TAFA1: variants seen among roughly 807,000 people sequenced by gnomAD.
TAFA1 encodes chemokine-like protein TAFA-1.
A neutral mutation model predicts 18.5 loss-of-function variants in TAFA1; 4 were observed. The ratio of observed to expected loss-of-function variants is 0.22; its 90% confidence interval spans 0.11 to 0.49. The LOEUF (loss-of-function observed/expected upper bound fraction) is 0.49, where lower values mean the gene tolerates loss of function less well. Ranked by LOEUF, TAFA1 falls within the 20% of genes least tolerant of loss-of-function variation. TAFA1 has a pLI of 0.98. For synonymous variants in TAFA1, 56 were observed against 55.2 expected (o/e 1.01, Z -0.06); for missense variants, 147 against 169.0 (o/e 0.87, Z 0.72).
At chr3:68,475,574 G>C (rs1250563683) in intron 3 of TAFA1, among the ~76,000 whole-genome samples, 6 of 152,136 alleles carry the variant, frequency 3.9e-5, no homozygotes, top group African/African-American at 1.4e-4. Flanking sequence ...GGACATTTGG[G>C]TTGGTTCCAA....
In TAFA1 at chr3:68,436,871, A is replaced by G. The variant is rs114083096; in HGVS notation, c.259+19451A>G. On this transcript the variant is annotated intron_variant, in intron 3 of 4. Coordinates refer to ENST00000478136, the MANE Select transcript of TAFA1 (RefSeq NM_213609.4). ...GACACCTTGGCTCTTGTTAACAGATACAGCCAGCTCCACTTCTGTTGTCCA... is the reference window on the plus strand; with the variant it reads ...GACACCTTGGCTCTTGTTAACAGATGCAGCCAGCTCCACTTCTGTTGTCCA... Among the ~76,000 whole-genome samples the G allele has an allele frequency of 7.6e-3, 1,157 of 152,306 alleles. 13 individuals are homozygous for G. The highest frequency in any genetic ancestry group is 0.026 in the African/African-American group (1,080 of 41,570).
At chr3:68,226,587 AG>A (rs1270286140) in intron 2 of TAFA1, among the ~76,000 whole-genome samples, 1 of 151,996 alleles carries the variant, frequency 6.6e-6, no homozygotes, top group Non-Finnish European at 1.5e-5. Context: ...GAATGGGGAG[AG>A]GCAGCCTCAT....
intron 3 of TAFA1, among the ~76,000 whole-genome samples, chr3:68,532,815 T>A (rs961870325): frequency 2.6e-5 from 4 of 151,686 alleles, no homozygotes; most frequent in South Asian, 2.1e-4. Flanking sequence ...AATTTTTTTT[T>A]AAATTGCAGA....
At chr3:68,439,557 C>T (rs543698601) in intron 3 of TAFA1, among the ~76,000 whole-genome samples, 44 of 151,142 alleles carry the variant, frequency 2.9e-4, no homozygotes, top group African/African-American at 7.8e-4. Flanking sequence ...ACTTGGAATC[C>T]GATGTTTGAG....
intron 3 of TAFA1, among the ~76,000 whole-genome samples, chr3:68,479,760 A>T (rs2106652233): frequency 6.6e-6 from 1 of 152,290 alleles, no homozygotes; most frequent in Admixed American, 6.5e-5. Context: ...AATCATAGGG[A>T]CTAAGAAGAG....
At chr3:68,309,799 C>T (rs1270481948) in intron 2 of TAFA1, among the ~76,000 whole-genome samples, 1 of 152,162 alleles carries the variant, frequency 6.6e-6, no homozygotes, top group Non-Finnish European at 1.5e-5. Flanking sequence ...ATCATGTCAC[C>T]AGAACCCAGG....
chr3:68,168,717 T>G (rs1249203976), intron 2 of TAFA1, among the ~76,000 whole-genome samples: 1 of 152,244 alleles, frequency 6.6e-6, no homozygotes, highest in Non-Finnish European at 1.5e-5. Context: ...GGGGTCTAAA[T>G]TTGCTTTTGA....
intron 2 of TAFA1, among the ~76,000 whole-genome samples, chr3:68,364,680 T>C (rs2069532675): frequency 6.6e-6 from 1 of 152,182 alleles, no homozygotes; most frequent in Non-Finnish European, 1.5e-5. Context: ...AATTCTGTTT[T>C]TTCATTGTAA....
chr3:68,138,732 A>G (rs1454082124), intron 2 of TAFA1, among the ~76,000 whole-genome samples: 1 of 152,222 alleles, frequency 6.6e-6, no homozygotes, highest in Non-Finnish European at 1.5e-5. Context: ...AATAACTAGT[A>G]TAAAGCACTT....
rs565620867 is a variant in TAFA1 at position 68,378,464 on chromosome 3, T to A, written c.119-38816T>A. ...CACATTGTATCTAGGAAGTAACTAA[T>A]TTGCTTTTGATTTTTTAGGCTCATA... On this transcript the variant is annotated intron_variant, in intron 2 of 4. Coordinates refer to ENST00000478136, the MANE Select transcript of TAFA1 (RefSeq NM_213609.4). 7.9e-5 allele frequency among the ~76,000 whole-genome samples: 12 copies of A among 152,272 alleles called. 1 individual carries two copies. The South Asian group carries it at 2.3e-3, about 29-fold the overall frequency.
chr3:68,179,503 T>C (rs1167993254), intron 2 of TAFA1, among the ~76,000 whole-genome samples: 1 of 152,222 alleles, frequency 6.6e-6, no homozygotes, highest in Non-Finnish European at 1.5e-5. Flanking sequence ...GAAAATGAAG[T>C]TGTAAAAATT....
chr3:68,360,201 C>T (rs2069443867), intron 2 of TAFA1, among the ~76,000 whole-genome samples: 1 of 151,978 alleles, frequency 6.6e-6, no homozygotes, highest in African/African-American at 2.4e-5. Context: ...ATTTACTCCA[C>T]AGATCCTCAT....
At chr3:68,064,151 A>T (rs1459134096) in intron 2 of TAFA1, among the ~76,000 whole-genome samples, 2 of 152,190 alleles carry the variant, frequency 1.3e-5, no homozygotes, top group African/African-American at 4.8e-5. Context: ...TAGCAAACCC[A>T]GGTGGAGAGG....
chr3:68,294,858 CAG>C (rs1441792133), intron 2 of TAFA1, among the ~76,000 whole-genome samples: 5 of 152,146 alleles, frequency 3.3e-5, no homozygotes, highest in African/African-American at 1.2e-4. Flanking sequence ...GCCTGGGCAA[CAG>C]AGAGAGATCG....
intron 2 of TAFA1, among the ~76,000 whole-genome samples, chr3:68,244,280 T>C (rs932664500): frequency 6.6e-6 from 1 of 152,224 alleles, no homozygotes; most frequent in Non-Finnish European, 1.5e-5. Context: ...GTCCAACTTA[T>C]CAATTTTTCC....
intron 2 of TAFA1, among the ~76,000 whole-genome samples, chr3:68,303,692 G>A (rs559900193): frequency 3.9e-5 from 6 of 152,074 alleles, no homozygotes; most frequent in East Asian, 1.9e-4. Context: ...CTCGTGATCC[G>A]CCCGCCTTTG....
rs368626329 is a variant in TAFA1, at chr3:68,332,105, C to T, written c.119-85175C>T. Among the ~76,000 whole-genome samples, 605 of 151,542 alleles carry T rather than the reference C, an allele frequency of 4.0e-3. 4 individuals carry two copies. The highest frequency in any genetic ancestry group is 0.013 in the African/African-American group (555 of 41,354). On this transcript the variant is annotated intron_variant, in intron 2 of 4. Transcript: ENST00000478136. Reference sequence around the variant, plus strand: ...GTCTCGATCTCCTGACCTCGTGATCCGCCCGCCTCGGCCTCCCAAAGTGCT... The same window carrying T: ...GTCTCGATCTCCTGACCTCGTGATCTGCCCGCCTCGGCCTCCCAAAGTGCT...
At chr3:68,070,281 C>T (rs571019648) in intron 2 of TAFA1, among the ~76,000 whole-genome samples, 2 of 152,328 alleles carry the variant, frequency 1.3e-5, no homozygotes, top group East Asian at 3.9e-4. Context: ...CTCAACATCA[C>T]ATGGAAGCTG....
chr3:68,377,696 C>G (rs1163155970), intron 2 of TAFA1, among the ~76,000 whole-genome samples: 1 of 152,092 alleles, frequency 6.6e-6, no homozygotes, highest in Non-Finnish European at 1.5e-5. Flanking sequence ...TAGCAGTATC[C>G]CCTCCCATCA....
Sources: allele counts gnomAD v4.1 joint callset (sites outside exome capture counted in the v4.1 genomes callset), GRCh38; gene constraint gnomAD v4.1.1; transcripts MANE v1.5; gene names NCBI Gene and HGNC (gene_info 2026-07-23, HGNC 2026-07-21).